Variants in AKR1C1 observed in about 807,000 individuals in gnomAD.
The protein encoded by AKR1C1 is 20 alpha-hydroxysteroid dehydrogenase.
AKR1C1 carries 32 observed loss-of-function variants against 40.6 expected under a neutral mutation model. The observed-to-expected ratio is 0.79, with a 90% CI of 0.60 to 1.06. The LOEUF (loss-of-function observed/expected upper bound fraction) is 1.06. Ranked by LOEUF, AKR1C1 falls within the 50% of genes least tolerant of loss-of-function variation. The pLI is 0.00. For synonymous variants in AKR1C1, 105 were observed against 134.2 expected (o/e 0.78, Z 1.50); for missense variants, 320 against 363.5 (o/e 0.88, Z 0.97).
rs1409456416 is a variant in AKR1C1 at position 4,979,839 on chromosome 10, T to C, written c.*2097T>C. ...ATCACTAATTTTCCTATTTTTTCTCTCAAAGAAATGCTGAAGGGAGGAATT... is the reference window on the plus strand; with the variant it reads ...ATCACTAATTTTCCTATTTTTTCTCCCAAAGAAATGCTGAAGGGAGGAATT... On this transcript the variant is annotated 3_prime_UTR_variant, in exon 9 of 9. Transcript: ENST00000380872. 6.6e-6 allele frequency: 1 copy of C among 151,156 alleles called. No homozygotes were observed. Among genetic ancestry groups the C allele is most frequent in the Non-Finnish European group, 1.5e-5 (1 of 67,854 alleles). The allele number at this position is 151,156 out of a possible 1,614,324, so 9.4% of individuals were successfully genotyped here. A position where few individuals can be genotyped will look rare whatever the true frequency, so the allele number is the denominator to read the frequency against.
chr10:4,968,772 T>C, intron 4 of AKR1C1, 50 bp from the exon 5 acceptor site: 1 of 1,613,858 alleles, frequency 6.2e-7, no homozygotes, highest in Non-Finnish European at 8.5e-7. Flanking sequence ...TTCACAGTTC[T>C]GTGTCACATT....
intron 7 of AKR1C1, among the ~76,000 whole-genome samples, chr10:4,975,070 ATAAT>A (rs1291150276): frequency 1.3e-5 from 2 of 152,082 alleles, no homozygotes; most frequent in African/African-American, 4.8e-5. Context: ...TAATAAATAT[ATAAT>A]TAATTTCATA....
chr10:4,971,330 A>G (rs1394923866), intron 5 of AKR1C1, among the ~76,000 whole-genome samples: 1 of 151,990 alleles, frequency 6.6e-6, no homozygotes, highest in Non-Finnish European at 1.5e-5. Context: ...TCTTCCTTCA[A>G]TTAGCAATGT....
intron 5 of AKR1C1, among the ~76,000 whole-genome samples, chr10:4,970,927 A>G (rs1370387882): frequency 6.6e-6 from 1 of 151,834 alleles, no homozygotes; most frequent in Non-Finnish European, 1.5e-5. Context: ...AACCTGCACA[A>G]TGTGCACATG....
In AKR1C1 at chr10:4,980,757, G is replaced by A. The variant is rs1836602915; in HGVS notation, c.*3015G>A. 1 of 151,852 alleles carries A rather than the reference G, an allele frequency of 6.6e-6. No individual in the cohort carries two copies. Among genetic ancestry groups the A allele is most frequent in the Admixed American group, 6.6e-5 (1 of 15,232 alleles). 9.4% of individuals were successfully genotyped at this position (151,852 alleles called of 1,614,324 possible). ...CCACTGAAATCTTGCATTCCTCCAA[G>A]TCATCCAGGAGGGTTGAATTCACTT... On this transcript the variant is annotated 3_prime_UTR_variant, in exon 9 of 9. Coordinates refer to ENST00000380872, the MANE Select transcript of AKR1C1 (RefSeq NM_001353.6).
In AKR1C1 at chr10:4,982,720, C is replaced by T. The variant is rs1836639638; in HGVS notation, c.*4978C>T. The T allele has an allele frequency of 3.4e-6, 1 of 291,036 alleles. No individual in the cohort carries two copies. 18.0% of individuals were successfully genotyped at this position (291,036 alleles called of 1,614,324 possible). On this transcript the variant is annotated 3_prime_UTR_variant, in exon 9 of 9. Transcript: ENST00000380872. The stretch of plus-strand genomic sequence containing the variant: ...GGGCAACTTAGGGCAAGCTCAAATC[C>T]CACTGCTACCACCACAGCTGGTGCT...
In AKR1C1 at chr10:4,982,450, C is replaced by T. The variant is rs1248668403; in HGVS notation, c.*4708C>T. On this transcript the variant is annotated 3_prime_UTR_variant, in exon 9 of 9. Transcript: ENST00000380872. The stretch of plus-strand genomic sequence containing the variant: ...ACTACTTCCCACTCCCTTTTTTGAA[C>T]TCTTCTGTGCAGCAGAGGCAATTAA... 1.3e-5 allele frequency: 2 copies of T among 151,012 alleles called. No homozygotes were observed. The highest frequency in any genetic ancestry group is 4.9e-5 in the African/African-American group (2 of 40,870). 9.4% of individuals were successfully genotyped at this position (151,012 alleles called of 1,614,324 possible). A position where few individuals can be genotyped will look rare whatever the true frequency, so the allele number is the denominator to read the frequency against.
intron 7 of AKR1C1, 35 bp downstream of exon 7, chr10:4,972,784 C>A (rs1554770038): frequency 6.2e-7 from 1 of 1,603,656 alleles, no homozygotes; most frequent in East Asian, 2.2e-5. Context: ...AGGTCTCCTG[C>A]ACAGTGTCCT....
At chr10:4,969,761 A>C in intron 5 of AKR1C1, 1 of 1,608,274 alleles carries the variant, frequency 6.2e-7, no homozygotes, top group Non-Finnish European at 8.5e-7. Context: ...AATGTTACAC[A>C]CATTTCAGCA....
chr10:4,974,733 T>A (rs1269622985), intron 7 of AKR1C1, among the ~76,000 whole-genome samples: 1 of 152,144 alleles, frequency 6.6e-6, no homozygotes, highest in Admixed American at 6.5e-5. Context: ...GAAATGTCCA[T>A]GAGCAATTAT....
chr10:4,976,157 A>C (rs1836523565), intron 8 of AKR1C1, among the ~76,000 whole-genome samples: 1 of 150,264 alleles, frequency 6.7e-6, no homozygotes, highest in South Asian at 2.1e-4. Flanking sequence ...TGCTCTCGTG[A>C]CTCCAAGGAA....
chr10:4,968,656 C>T (rs568963914), intron 4 of AKR1C1, among the ~76,000 whole-genome samples, 166 bp from the exon 5 acceptor site: 1 of 152,330 alleles, frequency 6.6e-6, no homozygotes, highest in South Asian at 2.1e-4. Context: ...AACAGAAATA[C>T]TTACTCTTGC....
chr10:4,968,342 G>T lies in AKR1C1; in HGVS notation c.403G>T (p.Gly135Ter), dbSNP rs763837541. 1 of 1,572,602 alleles carries T rather than the reference G, an allele frequency of 6.4e-7. No individual in the cohort carries two copies. The highest frequency in any genetic ancestry group is 1.2e-5 in the South Asian group (1 of 85,578). ...GEEVIPKDEN[G>*]KILFDTVDLC... ...GGAAGTGATCCCAAAAGATGAAAAT[G>T]GAAAAATACTATTTGACACAGTGGA... Residue 135 changes from glycine to a stop codon, truncating the protein, a stop_gained, in exon 4 of 9, where the codon GGA (glycine) becomes TGA (stop). Transcript: ENST00000380872. LOFTEE classifies it high-confidence loss of function.
chr10:4,976,786 G>T (rs530189167), intron 8 of AKR1C1, among the ~76,000 whole-genome samples: 2 of 152,104 alleles, frequency 1.3e-5, no homozygotes, highest in Non-Finnish European at 2.9e-5. Context: ...ATGAGATAAT[G>T]TGTGAAAAAA....
intron 8 of AKR1C1, among the ~76,000 whole-genome samples, chr10:4,977,256 G>T (rs1836539719): frequency 6.6e-6 from 1 of 152,184 alleles, no homozygotes; most frequent in East Asian, 1.9e-4. Flanking sequence ...TAGGCAGGTA[G>T]TAATATGTAA....
chr10:4,971,369 C>A (rs762604863), intron 5 of AKR1C1, among the ~76,000 whole-genome samples: 2 of 151,806 alleles, frequency 1.3e-5, no homozygotes, highest in Non-Finnish European at 2.9e-5. Flanking sequence ...GTAATGACCA[C>A]CATCAGAGTA....
chr10:4,969,604 T>C (rs1320338853), intron 5 of AKR1C1: 14 of 1,565,510 alleles, frequency 8.9e-6, no homozygotes, highest in Non-Finnish European at 1.1e-5. Flanking sequence ...CCTAGTTGGC[T>C]GCTCTTCTTT....
At chr10:4,966,771 A>G (rs1836339730) in intron 2 of AKR1C1, among the ~76,000 whole-genome samples, 156 bp from the exon 3 acceptor site, 1 of 151,076 alleles carries the variant, frequency 6.6e-6, no homozygotes, top group Non-Finnish European at 1.5e-5. Flanking sequence ...TCATCATGAT[A>G]TGGCAGAACA....
rs569894878 is a variant in AKR1C1 at position 4,967,453 on chromosome 10, G to A, written c.369+410G>A. Reference sequence around the variant, plus strand: ...ATCTTCTTGCCTCTTTTTAAGGGGCGAGAACTCAGTCCGGGAGTGTCTTAA... The same window carrying A: ...ATCTTCTTGCCTCTTTTTAAGGGGCAAGAACTCAGTCCGGGAGTGTCTTAA... On this transcript the variant is annotated intron_variant, in intron 3 of 8. Transcript: ENST00000380872. The A allele has an allele frequency of 1.0e-4, 105 of 1,000,400 alleles. No individual in the cohort carries two copies. In the South Asian group the frequency reaches 4.0e-3, roughly 38 times the overall value. 62.0% of individuals were successfully genotyped at this position (1,000,400 alleles called of 1,614,324 possible).
Sources: gnomAD v4.1 joint callset for allele counts (sites outside exome capture counted in the v4.1 genomes callset) on GRCh38, gnomAD v4.1.1 for gene constraint, MANE v1.5 for transcripts, NCBI Gene and HGNC (gene_info 2026-07-23, HGNC 2026-07-21) for gene names.